The following ATRNL1 variants were observed in gnomAD, a reference collection of about 807,000 sequenced individuals.
ATRNL1 encodes attractin-like protein 1.
In ATRNL1, 95 loss-of-function variants were observed where a neutral mutation model predicts 182.7. The observed-to-expected ratio is 0.52, with a 90% CI of 0.44 to 0.62. The LOEUF is 0.62. ATRNL1 is among the 20% of genes least tolerant of loss of function. ATRNL1 has a pLI of 0.00. For missense variants in ATRNL1, 1,471 were observed against 1,679.5 expected (o/e 0.88, Z 2.17); for synonymous variants, 576 against 568.3 (o/e 1.01, Z -0.19).
Position 115,354,299 on chromosome 10 carries a change from A to G in ATRNL1, c.3175+19880A>G, listed in dbSNP as rs191327869. Among the ~76,000 whole-genome samples, 66 of 152,092 alleles carry G rather than the reference A, an allele frequency of 4.3e-4. 1 individual carries two copies. In the East Asian group the frequency reaches 9.9e-3, roughly 23 times the overall value. ...ATGCTTTCAGATGTTTTCTTGTTAT[A>G]TGTTAGCAGCCTTTACTTTCAGATT... On this transcript the variant is annotated intron_variant, in intron 19 of 28. Transcript: ENST00000355044.
intron 19 of ATRNL1, among the ~76,000 whole-genome samples, chr10:115,369,058 G>T (rs1554947145): frequency 6.6e-6 from 1 of 151,932 alleles, no homozygotes. Flanking sequence ...AAATCATACA[G>T]TATTAGTCTT....
At chr10:115,648,645 T>G (rs1220251586) in intron 26 of ATRNL1, among the ~76,000 whole-genome samples, 3 of 151,978 alleles carry the variant, frequency 2.0e-5, no homozygotes, top group African/African-American at 4.8e-5. Context: ...CTCAGAGATA[T>G]GTAGTCCTTT....
intron 26 of ATRNL1, among the ~76,000 whole-genome samples, chr10:115,594,770 G>A (rs1342007258): frequency 2.0e-5 from 3 of 152,118 alleles, no homozygotes; most frequent in African/African-American, 7.2e-5. Flanking sequence ...CTCCCAAAGT[G>A]GTGGAATTAC....
intron 25 of ATRNL1, among the ~76,000 whole-genome samples, chr10:115,524,545 A>G (rs1368626640): frequency 6.6e-6 from 1 of 152,208 alleles, no homozygotes; most frequent in Non-Finnish European, 1.5e-5. Flanking sequence ...TAGTGGTGGC[A>G]TTAATTTTCT....
Position 115,405,364 on chromosome 10 carries a change from C to G in ATRNL1, c.3269+10612C>G, listed in dbSNP as rs149991958. 7.2e-3 allele frequency among the ~76,000 whole-genome samples: 1,097 copies of G among 152,182 alleles called. 3 individuals carry two copies. The highest frequency in any genetic ancestry group is 0.012 in the Non-Finnish European group (812 of 68,000). On this transcript the variant is annotated intron_variant, in intron 20 of 28. Transcript: ENST00000355044. The stretch of plus-strand genomic sequence containing the variant: ...GAACTACTGCTATACACTAGTATGT[C>G]CTTTTGATTTATTTCTGGAGCTCCA...
At position 115,538,727 on chromosome 10, in the gene ATRNL1, A is replaced by G. The variant is rs76274947; in HGVS notation, c.3717-10731A>G. ...AAAATTCAATTTAATGCATTTTTTT[A>G]AAAACTTGATTATGCTTTTGACGTC... On this transcript the variant is annotated intron_variant, in intron 25 of 28. Coordinates refer to ENST00000355044, the MANE Select transcript of ATRNL1 (RefSeq NM_207303.4). Among the ~76,000 whole-genome samples the G allele has an allele frequency of 9.9e-3, 1,501 of 152,194 alleles. 18 individuals carry two copies. The highest frequency in any genetic ancestry group is 0.033 in the African/African-American group (1,380 of 41,484).
At chr10:115,714,552 A>T (rs1947189325) in intron 26 of ATRNL1, among the ~76,000 whole-genome samples, 2 of 152,160 alleles carry the variant, frequency 1.3e-5, no homozygotes, top group South Asian at 4.1e-4. Flanking sequence ...CAATGATATT[A>T]TGTTCTTTAT....
intron 26 of ATRNL1, among the ~76,000 whole-genome samples, chr10:115,626,158 A>G (rs1199455166): frequency 1.3e-5 from 2 of 152,232 alleles, no homozygotes; most frequent in Non-Finnish European, 2.9e-5. Flanking sequence ...ACACACTCAT[A>G]TACATACACT....
In ATRNL1 at chr10:115,276,242, C is replaced by T. The variant is rs79735778; in HGVS notation, c.2101-5113C>T. Among the ~76,000 whole-genome samples, 861 of 152,178 alleles carry T rather than the reference C, an allele frequency of 5.7e-3. 4 individuals are homozygous for T. Among genetic ancestry groups the T allele is most frequent in the Non-Finnish European group, 8.7e-3 (589 of 67,992 alleles). On this transcript the variant is annotated intron_variant, in intron 13 of 28. Transcript: ENST00000355044. The stretch of plus-strand genomic sequence containing the variant: ...GGACTCCACCATTATGATTAAATTA[C>T]GTCCCAAAAGTTGCACCTCCTAATA...
chr10:115,163,723 G>A (rs1375330215), intron 6 of ATRNL1, among the ~76,000 whole-genome samples: 4 of 152,064 alleles, frequency 2.6e-5, no homozygotes, highest in Non-Finnish European at 4.4e-5. Context: ...GACCATTGTG[G>A]CCCACAAAGC....
At chr10:115,526,634 A>G (rs568204684) in intron 25 of ATRNL1, among the ~76,000 whole-genome samples, 60 of 152,282 alleles carry the variant, frequency 3.9e-4, no homozygotes, top group Admixed American at 2.0e-3. Context: ...TAGCCTGCCA[A>G]TCAGTGAGTG....
intron 26 of ATRNL1, among the ~76,000 whole-genome samples, chr10:115,698,173 AAAT>A (rs1272472361): frequency 3.3e-5 from 5 of 151,412 alleles, no homozygotes; most frequent in African/African-American, 4.9e-5. Context: ...AATAACCATT[AAAT>A]AATAATAAGA....
At chr10:115,159,775 A>G (rs1377250151) in intron 5 of ATRNL1, among the ~76,000 whole-genome samples, 1 of 151,716 alleles carries the variant, frequency 6.6e-6, no homozygotes, top group Non-Finnish European at 1.5e-5. Context: ...TAAATCTGAC[A>G]TTTTATATTA....
intron 7 of ATRNL1, among the ~76,000 whole-genome samples, chr10:115,166,891 A>C (rs1398118229): frequency 5.3e-5 from 8 of 151,506 alleles, no homozygotes; most frequent in African/African-American, 1.9e-4. Context: ...CAGAATTTTT[A>C]ATTTTAGTTT....
chr10:115,102,546 C>T (rs577110826), intron 1 of ATRNL1, among the ~76,000 whole-genome samples: 6 of 152,192 alleles, frequency 3.9e-5, no homozygotes, highest in Admixed American at 6.5e-5. Context: ...CAGGTTCAAG[C>T]GGTTCTCCTG....
chr10:115,536,782 A>C (rs1384887224), intron 25 of ATRNL1, among the ~76,000 whole-genome samples: 1 of 152,206 alleles, frequency 6.6e-6, no homozygotes, highest in Non-Finnish European at 1.5e-5. Context: ...ACATTTAATC[A>C]TGTTGTACAT....
intron 28 of ATRNL1, among the ~76,000 whole-genome samples, chr10:115,914,110 C>T: frequency 6.6e-6 from 1 of 152,042 alleles, no homozygotes; most frequent in East Asian, 1.9e-4. Flanking sequence ...AGGGGTTTTC[C>T]CTGCTTCACT....
At chr10:115,413,571 T>C (rs1485519037) in intron 20 of ATRNL1, among the ~76,000 whole-genome samples, 2 of 152,132 alleles carry the variant, frequency 1.3e-5, no homozygotes, top group African/African-American at 4.8e-5. Flanking sequence ...TTCCCAATGA[T>C]TTATAATTCA....
intron 28 of ATRNL1, among the ~76,000 whole-genome samples, chr10:115,875,312 A>G (rs1951677037): frequency 6.6e-6 from 1 of 152,216 alleles, no homozygotes; most frequent in Non-Finnish European, 1.5e-5. Flanking sequence ...GGCATCATTA[A>G]AATTAGGTAA....
Sources: allele counts gnomAD v4.1 joint callset (sites outside exome capture counted in the v4.1 genomes callset), GRCh38; gene constraint gnomAD v4.1.1; transcripts MANE v1.5; gene names NCBI Gene and HGNC (gene_info 2026-07-23, HGNC 2026-07-21).